Variants in FKBP1A observed in about 807,000 individuals in gnomAD.
FKBP1A encodes the protein FKBP prolyl isomerase 1A.
Under a neutral mutation model 14.2 loss-of-function variants are expected in FKBP1A, and 5 were observed. That is an observed-to-expected ratio of 0.35 (90% CI 0.18 to 0.74). The LOEUF is 0.74. FKBP1A is among the 30% of genes least tolerant of loss of function. FKBP1A has a pLI of 0.56. For synonymous variants in FKBP1A, 42 were observed against 49.1 expected (o/e 0.86, Z 0.60); for missense variants, 53 against 138.8 (o/e 0.38, Z 3.10).
intron 2 of FKBP1A, chr20:1,377,995 C>G (rs2089570173): frequency 6.6e-6 from 1 of 152,414 alleles, no homozygotes; most frequent in African/African-American, 2.4e-5. Flanking sequence ...ACAGCAACAA[C>G]AGCCTGGCCC....
chr20:1,383,484 C>G (rs2089638046), intron 2 of FKBP1A, among the ~76,000 whole-genome samples: 1 of 151,982 alleles, frequency 6.6e-6, no homozygotes. Flanking sequence ...TTTCTACTTT[C>G]AACACGCAGG....
At chr20:1,387,478 G>A (rs1304633683) in intron 2 of FKBP1A, among the ~76,000 whole-genome samples, 2 of 152,114 alleles carry the variant, frequency 1.3e-5, no homozygotes, top group South Asian at 4.2e-4. Flanking sequence ...AGCAAATAGA[G>A]GGGGAAAAAG....
At chr20:1,390,013 G>A (rs1412034684) in intron 2 of FKBP1A, among the ~76,000 whole-genome samples, 1 of 152,186 alleles carries the variant, frequency 6.6e-6, no homozygotes, top group Non-Finnish European at 1.5e-5. Context: ...CTCATGCTGT[G>A]CTCTGCCAGA....
At chr20:1,381,169 A>C (rs947458195) in intron 2 of FKBP1A, among the ~76,000 whole-genome samples, 1 of 152,202 alleles carries the variant, frequency 6.6e-6, no homozygotes, top group Admixed American at 6.5e-5. Context: ...AAGACAAACC[A>C]TACACTGGGA....
At chr20:1,381,872 A>G (rs1313154070) in intron 2 of FKBP1A, among the ~76,000 whole-genome samples, 1 of 152,230 alleles carries the variant, frequency 6.6e-6, no homozygotes, top group African/African-American at 2.4e-5. Flanking sequence ...AATGCAACAA[A>G]TCTACACTGA....
chr20:1,382,577 C>T (rs1222874926), intron 2 of FKBP1A, among the ~76,000 whole-genome samples: 2 of 152,164 alleles, frequency 1.3e-5, no homozygotes, highest in Non-Finnish European at 2.9e-5. Context: ...CTCAAGAGCA[C>T]TCTTGGATTT....
At chr20:1,374,862 G>A (rs991697246) in intron 3 of FKBP1A, among the ~76,000 whole-genome samples, 13 of 152,138 alleles carry the variant, frequency 8.5e-5, no homozygotes, top group African/African-American at 2.9e-4. Flanking sequence ...TTGAAATGGA[G>A]TTTCGCTCTC....
At position 1,369,404 on chromosome 20, in the gene FKBP1A, A is replaced by G. The variant is rs1298936662; in HGVS notation, c.*705T>C. The stretch of plus-strand genomic sequence containing the variant: ...ATGAAAAAAAAAAAAGGCCACAAAG[A>G]AGGCTTCAGAGGTCCCTGCTGGCCC... On this transcript the variant is annotated 3_prime_UTR_variant, in exon 5 of 5. Transcript: ENST00000400137. The G allele has an allele frequency of 1.2e-5, 2 of 163,944 alleles. No individual in the cohort carries two copies. The highest frequency in any genetic ancestry group is 3.0e-5 in the Non-Finnish European group (2 of 67,608). 10.2% of individuals were successfully genotyped at this position (163,944 alleles called of 1,614,324 possible). A position where few individuals can be genotyped will look rare whatever the true frequency, so the allele number is the denominator to read the frequency against.
intron 4 of FKBP1A, chr20:1,370,550 G>A (rs1445733521): frequency 1.0e-6 from 1 of 985,114 alleles, no homozygotes; most frequent in African/African-American, 1.7e-5. Context: ...AGAATAAACT[G>A]GTCATTCATA....
Position 1,379,806 on chromosome 20 carries a change from G to A in FKBP1A, c.86-4203C>T, listed in dbSNP as rs1300697980. 6.6e-6 allele frequency among the ~76,000 whole-genome samples: 1 copy of A among 152,198 alleles called. No individual in the cohort carries two copies. The highest frequency in any genetic ancestry group is 1.5e-5 in the Non-Finnish European group (1 of 68,032). ...AATGGGTGGGGTGGTATGTGATTAA[G>A]TGGGTGTCACACAACTGGCACAAGC... On this transcript the variant is annotated intron_variant, in intron 2 of 4. Coordinates refer to ENST00000400137, the MANE Select transcript of FKBP1A (RefSeq NM_000801.5). This position sits in a 1 kb window ranked among gnomAD's most constrained non-coding sequence, Gnocchi z 4.3.
rs1337897400 is a variant in FKBP1A at position 1,369,998 on chromosome 20, A to AGT, written c.*109_*110dup. On this transcript the variant is annotated 3_prime_UTR_variant, in exon 5 of 5. Coordinates refer to ENST00000400137, the MANE Select transcript of FKBP1A (RefSeq NM_000801.5). ...CAGGGCAGATGTCTATACAAAGTGG[A>AGT]GTGGAACATCAGGAAAAGCTCCATA... The AGT allele has an allele frequency of 6.5e-7, 1 of 1,548,646 alleles. No individual in the cohort carries two copies. The highest frequency in any genetic ancestry group is 8.7e-7 in the Non-Finnish European group (1 of 1,145,940).
At chr20:1,391,795 A>C in intron 2 of FKBP1A, 1 of 283,228 alleles carries the variant, frequency 3.5e-6, no homozygotes, top group East Asian at 5.5e-5. Context: ...AACAGAGGAA[A>C]GGGTGGGAAG....
intron 3 of FKBP1A, among the ~76,000 whole-genome samples, chr20:1,374,990 C>T (rs1038200836): frequency 6.6e-6 from 1 of 152,224 alleles, no homozygotes; most frequent in African/African-American, 2.4e-5. Context: ...GCACCTGCCA[C>T]CACGCCCGGC....
intron 2 of FKBP1A, among the ~76,000 whole-genome samples, chr20:1,392,418 G>A (rs975778040): frequency 1.3e-5 from 2 of 152,130 alleles, no homozygotes; most frequent in Admixed American, 6.5e-5. Flanking sequence ...GGGGGCAGGG[G>A]CACAGAAATG....
chr20:1,393,046 A>T lies in FKBP1A; in HGVS notation c.-48T>A. Reference sequence around the variant, plus strand: ...GCGGGCGGCGCGACGGGCGGCGTGGACCAACAGCGACCTGGCGGCGGTTCC... The same window carrying T: ...GCGGGCGGCGCGACGGGCGGCGTGGTCCAACAGCGACCTGGCGGCGGTTCC... On this transcript the variant is annotated 5_prime_UTR_variant, in exon 1 of 5. Coordinates refer to ENST00000400137, the MANE Select transcript of FKBP1A (RefSeq NM_000801.5). 1 of 1,229,892 alleles carries T rather than the reference A, an allele frequency of 8.1e-7. No individual in the cohort carries two copies. Among genetic ancestry groups the T allele is most frequent in the Non-Finnish European group, 1.1e-6 (1 of 914,708 alleles). 76.2% of individuals were successfully genotyped at this position (1,229,892 alleles called of 1,614,324 possible). A position where few individuals can be genotyped will look rare whatever the true frequency, so the allele number is the denominator to read the frequency against.
intron 4 of FKBP1A, chr20:1,370,875 C>G: frequency 7.1e-6 from 7 of 985,494 alleles, no homozygotes; most frequent in Non-Finnish European, 8.4e-6. Flanking sequence ...GTGCAGACCT[C>G]TGGGCAGACA....
intron 4 of FKBP1A, chr20:1,370,667 A>G: frequency 2.0e-6 from 2 of 985,436 alleles, no homozygotes; most frequent in Non-Finnish European, 2.4e-6. Context: ...CAAGAAGCTG[A>G]GACATTCTTT....
chr20:1,373,274 C>G lies in FKBP1A; in HGVS notation c.199-1034G>C, dbSNP rs922286914. On this transcript the variant is annotated intron_variant, in intron 3 of 4. Transcript: ENST00000400137. ...CTGCTAACAACTCAAAAGTCCATCA[C>G]AGAAGGAGTGGTTTCATAGGCATAT... 9 of 152,290 alleles carry G rather than the reference C, an allele frequency of 5.9e-5. No individual in the cohort carries two copies. The East Asian group carries it at 9.6e-4, about 16-fold the overall frequency. 9.4% of individuals were successfully genotyped at this position (152,290 alleles called of 1,614,324 possible).
chr20:1,391,879 A>G (rs1271811158), intron 2 of FKBP1A, among the ~76,000 whole-genome samples: 1 of 151,772 alleles, frequency 6.6e-6, no homozygotes, highest in Admixed American at 6.6e-5. Context: ...AATCACTGCC[A>G]CCCTTGTGGG....
Sources: allele counts gnomAD v4.1 joint callset (sites outside exome capture counted in the v4.1 genomes callset), GRCh38; gene constraint gnomAD v4.1.1; non-coding constraint Gnocchi (gnomAD v3.1); transcripts MANE v1.5; gene names NCBI Gene and HGNC (gene_info 2026-07-23, HGNC 2026-07-21).